Variants in NELL2 observed in about 807,000 individuals in gnomAD.
NELL2 encodes the protein protein kinase C-binding protein NELL2.
A neutral mutation model predicts 109.6 loss-of-function variants in NELL2; 41 were observed. That is an observed-to-expected ratio of 0.37 (90% confidence interval 0.29 to 0.49). The LOEUF (loss-of-function observed/expected upper bound fraction) is 0.49, where lower values mean the gene tolerates loss of function less well. Ranked by LOEUF, NELL2 falls within the 20% of genes least tolerant of loss-of-function variation. The probability of loss-of-function intolerance (pLI) is 0.98; values close to 1 mark genes in which losing one functional copy is unlikely to be tolerated. For missense variants in NELL2, 900 were observed against 1,008.3 expected, an observed-to-expected ratio of 0.89 and a Z score of 1.45; for synonymous variants, 355 against 344.7, an observed-to-expected ratio of 1.03 and a Z score of -0.33.
At chr12:44,825,804 G>A (rs1411081089) in intron 2 of NELL2, among the ~76,000 whole-genome samples, 1 of 151,502 alleles carries the variant, frequency 6.6e-6, no homozygotes, top group Non-Finnish European at 1.5e-5. Flanking sequence ...CCAGCACTTT[G>A]GGAGGCCGAG....
In NELL2 at chr12:44,684,770, G is replaced by C. The variant is rs1948655800; in HGVS notation, c.1318+18956C>G. ...TCCTGAGTTCTAGTTTGATTGCACT[G>C]TGGTCTGAGAGATAGTTTGTTATAA... On this transcript the variant is annotated intron_variant, in intron 12 of 19. Coordinates refer to ENST00000429094, the MANE Select transcript of NELL2 (RefSeq NM_001145108.2). 2.6e-5 allele frequency among the ~76,000 whole-genome samples: 4 copies of C among 152,186 alleles called. No homozygotes were observed. In the South Asian group the frequency reaches 8.3e-4, roughly 31 times the overall value.
At chr12:44,907,125 C>A (rs1945727760) in intron 1 of NELL2, among the ~76,000 whole-genome samples, 1 of 152,048 alleles carries the variant, frequency 6.6e-6, no homozygotes. Context: ...AGGTTTGCTA[C>A]TCCTGCCATG....
At chr12:44,861,353 C>T (rs941385953) in intron 2 of NELL2, among the ~76,000 whole-genome samples, 2 of 152,200 alleles carry the variant, frequency 1.3e-5, no homozygotes, top group Non-Finnish European at 2.9e-5. Flanking sequence ...CAGATTGAGC[C>T]TCCAAACCCA....
chr12:44,636,496 G>A (rs1363977203), intron 13 of NELL2, among the ~76,000 whole-genome samples: 1 of 151,992 alleles, frequency 6.6e-6, no homozygotes, highest in African/African-American at 2.4e-5. Context: ...GCATAAAGGG[G>A]TGTTAAATTT....
At chr12:44,669,335 AAAAAC>A (rs1948057647) in intron 12 of NELL2, among the ~76,000 whole-genome samples, 1 of 152,240 alleles carries the variant, frequency 6.6e-6, no homozygotes, top group African/African-American at 2.4e-5. Context: ...AGAAACATGA[AAAAAC>A]AAAGAAACAT....
At chr12:44,586,569 G>T (rs1944514608) in intron 15 of NELL2, among the ~76,000 whole-genome samples, 1 of 151,882 alleles carries the variant, frequency 6.6e-6, no homozygotes, top group African/African-American at 2.4e-5. Flanking sequence ...TAATTATACG[G>T]AATTTACCAA....
chr12:44,629,692 T>C (rs918166932), intron 13 of NELL2, among the ~76,000 whole-genome samples: 11 of 152,186 alleles, frequency 7.2e-5, no homozygotes, highest in African/African-American at 1.2e-4. Flanking sequence ...ATCATGGTAA[T>C]TGAAACAAAA....
At chr12:44,524,873 G>A (rs1253603651) in intron 16 of NELL2, among the ~76,000 whole-genome samples, 1 of 152,010 alleles carries the variant, frequency 6.6e-6, no homozygotes, top group Non-Finnish European at 1.5e-5. Flanking sequence ...AAGTACTATG[G>A]TTAATGTGTA....
intron 11 of NELL2, among the ~76,000 whole-genome samples, chr12:44,708,005 G>T (rs1937979267): frequency 6.6e-6 from 1 of 152,016 alleles, no homozygotes; most frequent in African/African-American, 2.4e-5. Context: ...AATTAAGGAG[G>T]GCCATCTAGT....
intron 12 of NELL2, among the ~76,000 whole-genome samples, chr12:44,687,762 G>T (rs542703722): frequency 6.6e-6 from 1 of 152,284 alleles, no homozygotes; most frequent in South Asian, 2.1e-4. Context: ...ATGCATACCT[G>T]ACCTTAAACT....
At chr12:44,621,674 T>G (rs1946065949) in intron 13 of NELL2, among the ~76,000 whole-genome samples, 1 of 151,166 alleles carries the variant, frequency 6.6e-6, no homozygotes, top group South Asian at 2.1e-4. Flanking sequence ...CACGTGGATT[T>G]ACTCATTGTT....
intron 1 of NELL2, among the ~76,000 whole-genome samples, chr12:44,908,451 T>C (rs1359704338): frequency 2.0e-5 from 3 of 152,012 alleles, no homozygotes; most frequent in Non-Finnish European, 4.4e-5. Context: ...GAAGGATTCA[T>C]GGAATTGAGA....
intron 9 of NELL2, among the ~76,000 whole-genome samples, chr12:44,718,407 A>T (rs1237942388): frequency 1.3e-5 from 2 of 152,216 alleles, no homozygotes; most frequent in African/African-American, 4.8e-5. Context: ...AAAACAATAA[A>T]GGAATAATCA....
chr12:44,893,018 C>T (rs1945553705), intron 1 of NELL2, among the ~76,000 whole-genome samples: 1 of 152,176 alleles, frequency 6.6e-6, no homozygotes, highest in African/African-American at 2.4e-5. Flanking sequence ...TATCAGTCCA[C>T]ATAGTCATTT....
At chr12:44,517,371 T>TC (rs1941317842) in intron 19 of NELL2, among the ~76,000 whole-genome samples, 1 of 102,436 alleles carries the variant, frequency 9.8e-6, no homozygotes, top group Non-Finnish European at 2.0e-5. Context: ...ACCAACTACT[T>TC]TCTCTCTCTC....
At chr12:44,798,245 A>G (rs1172244695) in intron 3 of NELL2, among the ~76,000 whole-genome samples, 1 of 151,822 alleles carries the variant, frequency 6.6e-6, no homozygotes, top group Non-Finnish European at 1.5e-5. Context: ...CAAATCTATA[A>G]GGTATAAGAA....
At chr12:44,742,302 C>T (rs575588130) in intron 9 of NELL2, among the ~76,000 whole-genome samples, 1 of 152,234 alleles carries the variant, frequency 6.6e-6, no homozygotes, top group South Asian at 2.1e-4. Context: ...CACCAAAAAC[C>T]CATCTGTACA....
intron 13 of NELL2, among the ~76,000 whole-genome samples, chr12:44,638,915 T>C (rs895288570): frequency 3.3e-5 from 5 of 152,216 alleles, no homozygotes; most frequent in African/African-American, 9.6e-5. Flanking sequence ...ATTTTTCTAA[T>C]AGTCTCATTA....
At chr12:44,775,857 A>T (rs1282277777) in intron 8 of NELL2, among the ~76,000 whole-genome samples, 165 bp downstream of exon 8, 1 of 152,214 alleles carries the variant, frequency 6.6e-6, no homozygotes, top group African/African-American at 2.4e-5. Context: ...AAGTGTTTTT[A>T]ATAATGCAAC....
Sources: allele counts gnomAD v4.1 joint callset (sites outside exome capture counted in the v4.1 genomes callset), GRCh38; gene constraint gnomAD v4.1.1; transcripts MANE v1.5; gene names NCBI Gene and HGNC (gene_info 2026-07-23, HGNC 2026-07-21).